The following LRP1B variants were observed in gnomAD, a reference collection of about 807,000 sequenced individuals.
The protein encoded by LRP1B is LDL receptor related protein 1B, also known as low-density lipoprotein receptor-related protein 1B.
Under a neutral mutation model 556.6 loss-of-function variants are expected in LRP1B, and 217 were observed. That is an observed-to-expected ratio of 0.39 (90% CI 0.35 to 0.44). The LOEUF is 0.44. Among genes scored for constraint, LRP1B ranks in the 20% least tolerant of loss-of-function variants. The pLI, the probability that LRP1B is intolerant of heterozygous loss-of-function variation, is 1.00. For synonymous variants in LRP1B, 2,047 were observed against 1,865.8 expected (o/e 1.10, Z -2.50); for missense variants, 5,053 against 5,620.8 (o/e 0.90, Z 3.23).
chr2:141,484,917 G>C (rs16846186), intron 2 of LRP1B, among the ~76,000 whole-genome samples: 9,059 of 152,130 alleles, frequency 0.06, 419 homozygotes, highest in African/African-American at 0.11. Flanking sequence ...TTTTAAAAGT[G>C]ATTCATGTGT....
chr2:141,429,910 A>T (rs1299877204), intron 3 of LRP1B, among the ~76,000 whole-genome samples: 1 of 152,184 alleles, frequency 6.6e-6, no homozygotes, highest in East Asian at 1.9e-4. Flanking sequence ...AAAATTGTGG[A>T]ATTATTAAAG....
At chr2:141,668,441 C>T (rs1192472084) in intron 2 of LRP1B, among the ~76,000 whole-genome samples, 1 of 152,100 alleles carries the variant, frequency 6.6e-6, no homozygotes. Context: ...AACTTCAAAT[C>T]CCAGGATCCA....
At chr2:141,150,404 A>G (rs940399476) in intron 7 of LRP1B, among the ~76,000 whole-genome samples, 2 of 152,118 alleles carry the variant, frequency 1.3e-5, no homozygotes, top group African/African-American at 4.8e-5. Context: ...AACTTTCTCT[A>G]TATTTTGTTT....
intron 3 of LRP1B, among the ~76,000 whole-genome samples, chr2:141,346,875 T>C (rs1415084911): frequency 6.6e-6 from 1 of 152,146 alleles, no homozygotes; most frequent in Non-Finnish European, 1.5e-5. Context: ...TCCAATGTTT[T>C]TATTCTTTTG....
At chr2:141,921,892 T>G (rs1700195743) in intron 1 of LRP1B, among the ~76,000 whole-genome samples, 1 of 152,102 alleles carries the variant, frequency 6.6e-6, no homozygotes, top group East Asian at 1.9e-4. Flanking sequence ...TTCAGAGTAG[T>G]GAAATATACA....
intron 7 of LRP1B, among the ~76,000 whole-genome samples, chr2:141,068,992 A>G (rs144669963): frequency 0.012 from 1,806 of 152,198 alleles, 20 homozygotes; most frequent in Non-Finnish European, 0.019. Flanking sequence ...AAATCTTTTC[A>G]GTAGTCTCTA....
intron 11 of LRP1B, among the ~76,000 whole-genome samples, chr2:141,046,529 A>G (rs913468228): frequency 2.0e-5 from 3 of 152,156 alleles, no homozygotes; most frequent in African/African-American, 4.8e-5. Flanking sequence ...AATGTTAAAT[A>G]TATTTCAGGT....
chr2:141,380,697 T>C (rs1325421675), intron 3 of LRP1B, among the ~76,000 whole-genome samples: 1 of 152,186 alleles, frequency 6.6e-6, no homozygotes, highest in African/African-American at 2.4e-5. Context: ...AAGTGGGTGA[T>C]AAAATCTAGG....
intron 43 of LRP1B, among the ~76,000 whole-genome samples, chr2:140,565,001 T>C (rs1319729354): frequency 1.3e-5 from 2 of 152,096 alleles, no homozygotes; most frequent in East Asian, 3.9e-4. Context: ...TTTAAGAAGA[T>C]AGTATTACTT....
At chr2:140,894,026 T>C (rs1020866155) in intron 23 of LRP1B, among the ~76,000 whole-genome samples, 2 of 152,164 alleles carry the variant, frequency 1.3e-5, no homozygotes, top group South Asian at 2.1e-4. Flanking sequence ...AATAGAGAGA[T>C]ACTATTAAAA....
intron 3 of LRP1B, among the ~76,000 whole-genome samples, chr2:141,453,337 A>G (rs1681495097): frequency 6.6e-6 from 1 of 152,170 alleles, no homozygotes; most frequent in Admixed American, 6.5e-5. Flanking sequence ...TGTTAACACT[A>G]TTCCATTCAC....
At chr2:140,549,697 C>G (rs982755151) in intron 43 of LRP1B, among the ~76,000 whole-genome samples, 1 of 152,138 alleles carries the variant, frequency 6.6e-6, no homozygotes, top group East Asian at 1.9e-4. Context: ...GCTAGGTACG[C>G]CTTTGCTACT....
Position 140,555,791 on chromosome 2 carries a change from T to C in LRP1B, c.7195-13820A>G, listed in dbSNP as rs182176195. Reference sequence around the variant, plus strand: ...TCAAATCTATGCTTAGAGGTAAAACTAATGTCTACTTTAGAGAAATCTTTG... The same window carrying C: ...TCAAATCTATGCTTAGAGGTAAAACCAATGTCTACTTTAGAGAAATCTTTG... On this transcript the variant is annotated intron_variant, in intron 43 of 90. Coordinates refer to ENST00000389484, the MANE Select transcript of LRP1B (RefSeq NM_018557.3). Among the ~76,000 whole-genome samples the C allele has an allele frequency of 1.4e-3, 219 of 152,260 alleles. 1 individual carries two copies. Among genetic ancestry groups the C allele is most frequent in the East Asian group, 7.7e-4 (4 of 5,184 alleles).
At chr2:142,117,771 A>G (rs2105007375) in intron 1 of LRP1B, among the ~76,000 whole-genome samples, 1 of 152,258 alleles carries the variant, frequency 6.6e-6, no homozygotes, top group Non-Finnish European at 1.5e-5. Context: ...ACAATCACTC[A>G]AGGCCAGAGT....
chr2:141,177,923 C>T (rs1283396398), intron 7 of LRP1B, among the ~76,000 whole-genome samples: 1 of 152,056 alleles, frequency 6.6e-6, no homozygotes, highest in Non-Finnish European at 1.5e-5. Context: ...GACCTCAAAG[C>T]AGCCACCTAT....
intron 11 of LRP1B, among the ~76,000 whole-genome samples, chr2:141,045,133 A>G (rs1397985438): frequency 7.4e-6 from 1 of 135,488 alleles, no homozygotes; most frequent in Non-Finnish European, 1.6e-5. Flanking sequence ...ACATGGATGA[A>G]ATTGGAAATC....
At chr2:141,948,814 T>C (rs999122125) in intron 1 of LRP1B, among the ~76,000 whole-genome samples, 6 of 151,946 alleles carry the variant, frequency 3.9e-5, no homozygotes, top group African/African-American at 1.4e-4. Context: ...TTAATAACAA[T>C]AGCAGGATCT....
intron 32 of LRP1B, among the ~76,000 whole-genome samples, chr2:140,780,665 C>T (rs2104961605): frequency 6.6e-6 from 1 of 152,264 alleles, no homozygotes; most frequent in East Asian, 1.9e-4. Context: ...CAAGATGTAT[C>T]TCTCTGCAAA....
At chr2:140,789,648 T>TTTTG (rs1690038700) in intron 32 of LRP1B, among the ~76,000 whole-genome samples, 1 of 134,048 alleles carries the variant, frequency 7.5e-6, no homozygotes, top group Non-Finnish European at 1.6e-5. Context: ...TTTTTTTTTT[T>TTTTG]GAGACGGAGT....
Sources: gnomAD v4.1 joint callset for allele counts (sites outside exome capture counted in the v4.1 genomes callset) on GRCh38, gnomAD v4.1.1 for gene constraint, MANE v1.5 for transcripts, NCBI Gene and HGNC (gene_info 2026-07-23, HGNC 2026-07-21) for gene names.